The following LTBP1 variants were observed in gnomAD, a reference collection of about 807,000 sequenced individuals.
LTBP1 encodes latent-transforming growth factor beta-binding protein 1.
In LTBP1, 129 loss-of-function variants were observed where a neutral mutation model predicts 207.6. The observed-to-expected ratio is 0.62, with a 90% CI of 0.54 to 0.72. The LOEUF is 0.72. Among genes scored for constraint, LTBP1 ranks in the 30% least tolerant of loss-of-function variants. The pLI, the probability that LTBP1 is intolerant of heterozygous loss-of-function variation, is 0.00. For missense variants in LTBP1, 2,281 were observed against 2,217.2 expected (o/e 1.03, Z -0.58); for synonymous variants, 963 against 833.7 (o/e 1.16, Z -2.67).
chr2:33,216,730 GGCCTT>G (rs2090737871), intron 7 of LTBP1, among the ~76,000 whole-genome samples: 1 of 152,162 alleles, frequency 6.6e-6, no homozygotes, highest in East Asian at 1.9e-4. Flanking sequence ...CCCTCAGGCT[GGCCTT>G]TGGATGGGTC....
intron 5 of LTBP1, among the ~76,000 whole-genome samples, chr2:33,149,010 C>T (rs1049341650): frequency 1.3e-5 from 2 of 151,786 alleles, no homozygotes; most frequent in East Asian, 1.9e-4. Flanking sequence ...GTCAGGAGAT[C>T]GAGACCATTC....
At chr2:33,350,619 GT>G (rs1182183831) in intron 26 of LTBP1, among the ~76,000 whole-genome samples, 1 of 152,158 alleles carries the variant, frequency 6.6e-6, no homozygotes, top group African/African-American at 2.4e-5. Flanking sequence ...CTGCCTTAAT[GT>G]TTTTTACTGC....
chr2:33,255,112 A>G (rs1271217723), intron 11 of LTBP1, among the ~76,000 whole-genome samples: 14 of 74,262 alleles, frequency 1.9e-4, no homozygotes, highest in Admixed American at 4.5e-4. Context: ...AGAGTGTGAT[A>G]TTCCCCTTCC....
intron 15 of LTBP1, among the ~76,000 whole-genome samples, chr2:33,273,317 A>G (rs2093359955): frequency 6.6e-6 from 1 of 152,208 alleles, no homozygotes. Flanking sequence ...ACTACAATGA[A>G]TAGAAACTCA....
At chr2:33,075,568 A>T (rs1163441243) in intron 3 of LTBP1, among the ~76,000 whole-genome samples, 1 of 152,192 alleles carries the variant, frequency 6.6e-6, no homozygotes, top group Non-Finnish European at 1.5e-5. Flanking sequence ...TTTGTAAAAA[A>T]TTCCTTCCCA....
intron 23 of LTBP1, 118 bp downstream of exon 23, chr2:33,309,674 T>A: frequency 1.7e-6 from 2 of 1,211,188 alleles, no homozygotes; most frequent in Non-Finnish European, 2.3e-6. Flanking sequence ...TTTATGTCAA[T>A]TTTTGATATT....
chr2:32,984,694 A>C (rs981944686), intron 2 of LTBP1, among the ~76,000 whole-genome samples: 3 of 151,620 alleles, frequency 2.0e-5, no homozygotes, highest in Non-Finnish European at 4.4e-5. Context: ...GCCGAGGCGG[A>C]TGGATCACCT....
At chr2:33,047,888 T>C (rs989923854) in intron 3 of LTBP1, among the ~76,000 whole-genome samples, 6 of 152,238 alleles carry the variant, frequency 3.9e-5, no homozygotes, top group Non-Finnish European at 7.3e-5. Flanking sequence ...TTGTCTTTTT[T>C]GATCTTTGTT....
chr2:33,296,301 G>A lies in LTBP1; in HGVS notation c.3235+3019G>A, dbSNP rs573241049. The stretch of plus-strand genomic sequence containing the variant: ...CCTCTTTCATAGTCCAAACTTACTT[G>A]TCACAGTTGCATTCTTCAGCTAGCA... On this transcript the variant is annotated intron_variant, in intron 20 of 33. Transcript: ENST00000404816. 1.2e-3 allele frequency among the ~76,000 whole-genome samples: 187 copies of A among 151,730 alleles called. 1 individual carries two copies. Among genetic ancestry groups the A allele is most frequent in the African/African-American group, 4.5e-3 (184 of 41,326 alleles).
chr2:33,156,968 T>G (rs2084027523), intron 5 of LTBP1, among the ~76,000 whole-genome samples: 1 of 152,190 alleles, frequency 6.6e-6, no homozygotes, highest in East Asian at 1.9e-4. Context: ...CGGGTTTTCA[T>G]GAAGAAATTT....
At chr2:33,109,002 T>A (rs188434141) in intron 3 of LTBP1, among the ~76,000 whole-genome samples, 55 of 152,354 alleles carry the variant, frequency 3.6e-4, no homozygotes, top group African/African-American at 1.3e-3. Context: ...GTATTGCATC[T>A]GGGAAAATCC....
intron 2 of LTBP1, among the ~76,000 whole-genome samples, chr2:32,972,919 T>C (rs776960526): frequency 3.8e-4 from 58 of 152,276 alleles, no homozygotes; most frequent in South Asian, 8.3e-4. Context: ...ATCGTTATAG[T>C]GGAGTGAGAA....
intron 15 of LTBP1, among the ~76,000 whole-genome samples, chr2:33,268,443 G>A (rs1369708657): frequency 6.6e-6 from 1 of 152,202 alleles, no homozygotes; most frequent in Non-Finnish European, 1.5e-5. Flanking sequence ...TTACGATGGT[G>A]AAATTGGAAG....
In LTBP1 at chr2:33,278,160, G is replaced by A. The variant is rs553869604; in HGVS notation, c.2993-1879G>A. Among the ~76,000 whole-genome samples the A allele has an allele frequency of 3.4e-4, 52 of 151,912 alleles. 1 individual carries two copies. The South Asian group carries it at 4.4e-3, about 13-fold the overall frequency. On this transcript the variant is annotated intron_variant, in intron 18 of 33. Coordinates refer to ENST00000404816, the MANE Select transcript of LTBP1 (RefSeq NM_206943.4). ...ATACTGATTCTTAAGTTCTACACAC[G>A]GGTCAAGAATGGAAAGATAAGATAC...
chr2:33,086,310 A>G (rs1468668105), intron 3 of LTBP1, among the ~76,000 whole-genome samples: 1 of 152,230 alleles, frequency 6.6e-6, no homozygotes, highest in African/African-American at 2.4e-5. Context: ...CCCAGTTAAT[A>G]GAGTTGCAAG....
chr2:33,096,490 A>C (rs1299012759), intron 3 of LTBP1, among the ~76,000 whole-genome samples: 2 of 152,202 alleles, frequency 1.3e-5, no homozygotes, highest in Admixed American at 1.3e-4. Flanking sequence ...AGATTTTTGC[A>C]ACAAATGCTA....
Position 33,302,311 on chromosome 2 carries a change from C to G in LTBP1, c.3481+667C>G, listed in dbSNP as rs116222320. 4.6e-3 allele frequency among the ~76,000 whole-genome samples: 704 copies of G among 152,300 alleles called. 3 individuals are homozygous for G. Among genetic ancestry groups the G allele is most frequent in the African/African-American group, 0.016 (656 of 41,544 alleles). On this transcript the variant is annotated intron_variant, in intron 22 of 33. Coordinates refer to ENST00000404816, the MANE Select transcript of LTBP1 (RefSeq NM_206943.4). ...TTTTCCCAGCCCACCTGAGGTTTCA[C>G]TGCATTTAGAGCCTGTCAGTTGTGA... is the stretch of plus-strand genomic sequence containing the variant.
chr2:33,334,508 T>C (rs1408249932), intron 24 of LTBP1, among the ~76,000 whole-genome samples: 2 of 152,142 alleles, frequency 1.3e-5, no homozygotes, highest in Non-Finnish European at 2.9e-5. Flanking sequence ...TGAATAAGGC[T>C]GGAGAGGAAA....
At position 33,134,435 on chromosome 2, in the gene LTBP1, G is replaced by T; in HGVS notation, c.1034-358G>T. 3.0e-6 allele frequency: 2 copies of T among 673,576 alleles called. No homozygotes were observed. The highest frequency in any genetic ancestry group is 5.0e-6 in the Non-Finnish European group (2 of 398,864). 41.7% of individuals were successfully genotyped at this position (673,576 alleles called of 1,614,324 possible). Reference sequence around the variant, plus strand: ...CCTTTGCATTACATCTGCCTGTCAGGGTTGGCTCTTTAATCTGTCGTGCCC... The same window carrying T: ...CCTTTGCATTACATCTGCCTGTCAGTGTTGGCTCTTTAATCTGTCGTGCCC... On this transcript the variant is annotated intron_variant, in intron 4 of 33. Coordinates refer to ENST00000404816, the MANE Select transcript of LTBP1 (RefSeq NM_206943.4). This position sits in a 1 kb window ranked among gnomAD's most constrained non-coding sequence, Gnocchi z 4.4.
Sources: allele counts gnomAD v4.1 joint callset (sites outside exome capture counted in the v4.1 genomes callset), GRCh38; gene constraint gnomAD v4.1.1; non-coding constraint Gnocchi (gnomAD v3.1); transcripts MANE v1.5; gene names NCBI Gene and HGNC (gene_info 2026-07-23, HGNC 2026-07-21).